Variants in DGLUCY observed in about 807,000 individuals in gnomAD.
The protein encoded by DGLUCY is D-glutamate cyclase, mitochondrial.
A neutral mutation model predicts 58.5 loss-of-function variants in DGLUCY; 58 were observed. The ratio of observed to expected loss-of-function variants is 0.99; its 90% CI spans 0.80 to 1.23. The LOEUF is 1.23. Among genes scored for constraint, DGLUCY ranks in the 50% most tolerant of loss-of-function variants. DGLUCY has a pLI of 0.00. For missense variants in DGLUCY, 779 were observed against 784.7 expected (o/e 0.99, Z 0.09); for synonymous variants, 325 against 314.1 (o/e 1.03, Z -0.37).
At chr14:91,201,037 G>T (rs953947934) in intron 11 of DGLUCY, among the ~76,000 whole-genome samples, 1 of 152,078 alleles carries the variant, frequency 6.6e-6, no homozygotes. Context: ...TGGGGAGGGT[G>T]TATCTTACAA....
chr14:91,137,908 C>T (rs1013088842), intron 1 of DGLUCY, among the ~76,000 whole-genome samples: 4 of 152,044 alleles, frequency 2.6e-5, no homozygotes, highest in African/African-American at 9.7e-5. Context: ...TGCTTCTGAG[C>T]CCCCCAATGT....
At chr14:91,086,991 G>A (rs1015290332) in intron 1 of DGLUCY, among the ~76,000 whole-genome samples, 1 of 152,100 alleles carries the variant, frequency 6.6e-6, no homozygotes, top group Non-Finnish European at 1.5e-5. Flanking sequence ...ATTCCCCCAG[G>A]ACAAGGACAG....
intron 1 of DGLUCY, among the ~76,000 whole-genome samples, chr14:91,062,759 C>A (rs908057582): frequency 6.6e-6 from 1 of 151,584 alleles, no homozygotes; most frequent in Non-Finnish European, 1.5e-5. Context: ...TTCACAGCTC[C>A]CTGGGCTTAC....
At chr14:91,209,465 T>C (rs1885318737) in intron 12 of DGLUCY, among the ~76,000 whole-genome samples, 1 of 152,042 alleles carries the variant, frequency 6.6e-6, no homozygotes, top group African/African-American at 2.4e-5. Flanking sequence ...TCCCAGCACT[T>C]TGGGAGGCCG....
At chr14:91,221,522 T>C (rs1887498854) in intron 13 of DGLUCY, among the ~76,000 whole-genome samples, 1 of 150,700 alleles carries the variant, frequency 6.6e-6, no homozygotes, top group Admixed American at 6.6e-5. Context: ...AGTGGATGGA[T>C]AGATGGTTGG....
At chr14:91,173,594 T>A in intron 6 of DGLUCY, 155 bp downstream of exon 6, 1 of 1,120,442 alleles carries the variant, frequency 8.9e-7, no homozygotes, top group Non-Finnish European at 1.2e-6. Context: ...TCTCTTGGAG[T>A]TGGGCCTAAG....
At position 91,069,500 on chromosome 14, in the gene DGLUCY, G is replaced by A. The variant is rs534419181; in HGVS notation, c.-82+8796G>A. Among the ~76,000 whole-genome samples the A allele has an allele frequency of 7.2e-5, 11 of 152,010 alleles. No homozygotes were observed. In the East Asian group the frequency reaches 7.7e-4, roughly 11 times the overall value. The stretch of plus-strand genomic sequence containing the variant: ...TCACCATGTTGGCCAGGCTGGTCTC[G>A]AACTCCTGACCTCAGGTGATCCGCC... On this transcript the variant is annotated intron_variant, in intron 1 of 4. Coordinates refer to the DGLUCY transcript ENST00000521334.
At chr14:91,192,507 C>T (rs901744066) in intron 9 of DGLUCY, among the ~76,000 whole-genome samples, 1 of 152,174 alleles carries the variant, frequency 6.6e-6, no homozygotes, top group African/African-American at 2.4e-5. Context: ...CAGTGACTCA[C>T]GCCTGTAATC....
intron 9 of DGLUCY, among the ~76,000 whole-genome samples, chr14:91,191,460 T>G (rs2049887501): frequency 1.3e-5 from 2 of 151,930 alleles, no homozygotes; most frequent in Admixed American, 6.6e-5. Flanking sequence ...GCACAGTGAC[T>G]GTCTTTTGGA....
At chr14:91,126,441 A>AG in intron 1 of DGLUCY, 1 of 225,346 alleles carries the variant, frequency 4.4e-6, no homozygotes, top group Non-Finnish European at 9.4e-6. Context: ...TGCTCAGAGC[A>AG]GGGGGCCCGA....
At chr14:91,214,104 C>G (rs1196963981) in intron 12 of DGLUCY, among the ~76,000 whole-genome samples, 1 of 151,692 alleles carries the variant, frequency 6.6e-6, no homozygotes, top group Non-Finnish European at 1.5e-5. Context: ...TTTACTCAAC[C>G]TACAAGGCCC....
chr14:91,130,694 A>T (rs1260514203), intron 1 of DGLUCY, among the ~76,000 whole-genome samples: 1 of 151,970 alleles, frequency 6.6e-6, no homozygotes, highest in Non-Finnish European at 1.5e-5. Context: ...GTCACAGCTC[A>T]CACAGCCTCA....
chr14:91,167,628 C>A, intron 4 of DGLUCY: 1 of 708,634 alleles, frequency 1.4e-6, no homozygotes, highest in Non-Finnish European at 2.6e-6. Context: ...CTGGAGAAAT[C>A]CCACTGGCTC....
chr14:91,112,355 A>G (rs1490793989), upstream of DGLUCY, among the ~76,000 whole-genome samples: 1 of 152,122 alleles, frequency 6.6e-6, no homozygotes, highest in Non-Finnish European at 1.5e-5. Context: ...ATTCTATTTC[A>G]TTCTCTGGAA....
chr14:91,107,639 G>C (rs951339960), upstream of DGLUCY, among the ~76,000 whole-genome samples: 2 of 152,226 alleles, frequency 1.3e-5, no homozygotes, highest in Non-Finnish European at 2.9e-5. Context: ...CCATGTGTCA[G>C]GCTCTGTTGG....
At chr14:91,158,360 C>G (rs895747259) in intron 2 of DGLUCY, among the ~76,000 whole-genome samples, 5 of 152,238 alleles carry the variant, frequency 3.3e-5, no homozygotes, top group Non-Finnish European at 5.9e-5. Flanking sequence ...GTTCTCTCCC[C>G]TGTGTCCCCA....
At chr14:91,094,497 G>T (rs570276632) in intron 1 of DGLUCY, among the ~76,000 whole-genome samples, 17 of 151,532 alleles carry the variant, frequency 1.1e-4, no homozygotes. Flanking sequence ...AGGTGACCAT[G>T]CAGACAGAAG....
chr14:91,078,195 C>A (rs941679), intron 1 of DGLUCY, among the ~76,000 whole-genome samples: 44,174 of 151,908 alleles, frequency 0.29, 6,513 homozygotes, highest in Middle Eastern at 0.33. Context: ...CGCCTGGCTC[C>A]TTTTTGTATT....
At chr14:91,184,417 G>A (rs1451597471) in intron 8 of DGLUCY, among the ~76,000 whole-genome samples, 4 of 151,286 alleles carry the variant, frequency 2.6e-5, no homozygotes, top group Non-Finnish European at 5.9e-5. Flanking sequence ...TAGGTGTGGT[G>A]GTGTCAAACG....
Sources: gnomAD v4.1 joint callset for allele counts (sites outside exome capture counted in the v4.1 genomes callset) on GRCh38, gnomAD v4.1.1 for gene constraint, MANE v1.5 for transcripts, NCBI Gene and HGNC (gene_info 2026-07-23, HGNC 2026-07-21) for gene names.